Variants in SLC8A1 observed in about 807,000 individuals in gnomAD.
SLC8A1 encodes solute carrier family 8 member A1.
Under a neutral mutation model 68.3 loss-of-function variants are expected in SLC8A1, and 18 were observed. The ratio of observed to expected loss-of-function variants is 0.26; its 90% CI spans 0.18 to 0.39. The LOEUF (loss-of-function observed/expected upper bound fraction) is 0.39, where lower values mean the gene tolerates loss of function less well. Among genes scored for constraint, SLC8A1 ranks in the 10% least tolerant of loss-of-function variants. The pLI is 1.00. For synonymous variants in SLC8A1, 475 were observed against 415.5 expected (o/e 1.14, Z -1.74); for missense variants, 985 against 1,156.7 (o/e 0.85, Z 2.15).
At chr2:40,200,219 T>TA (rs1558722197) in intron 2 of SLC8A1, among the ~76,000 whole-genome samples, 116 of 2,770 alleles carry the variant, frequency 0.042, 4 homozygotes, top group African/African-American at 0.073. Flanking sequence ...TATATATATA[T>TA]TTTTTTATAT....
intron 6 of SLC8A1, 24 bp downstream of exon 9, chr2:40,160,741 T>C (rs1210552080): frequency 1.9e-6 from 3 of 1,600,524 alleles, no homozygotes; most frequent in Non-Finnish European, 1.7e-6. Context: ...TTTTAATTTA[T>C]AATATGCAGA....
At chr2:40,176,618 C>T (rs405804) in intron 3 of SLC8A1, among the ~76,000 whole-genome samples, 118,897 of 152,112 alleles carry the variant, frequency 0.78, 47,118 homozygotes, top group Middle Eastern at 0.85. Flanking sequence ...CAGAAACATA[C>T]GTGTTTTTTC....
intron 2 of SLC8A1, among the ~76,000 whole-genome samples, chr2:40,425,348 A>C (rs1696579095): frequency 6.6e-6 from 1 of 151,884 alleles, no homozygotes; most frequent in African/African-American, 2.4e-5. Context: ...ACTAAAAATA[A>C]GATCAAAGAT....
chr2:40,376,589 G>GAAAGGGAAAAGGA (rs1679949823), intron 2 of SLC8A1, among the ~76,000 whole-genome samples: 1 of 152,066 alleles, frequency 6.6e-6, no homozygotes, highest in Non-Finnish European at 1.5e-5. Context: ...AAGGAAAAGG[G>GAAAGGGAAAAGGA]AAAGGGAAAA....
At chr2:40,445,930 A>G (rs1701356853) in intron 1 of SLC8A1, among the ~76,000 whole-genome samples, 1 of 152,186 alleles carries the variant, frequency 6.6e-6, no homozygotes, top group Non-Finnish European at 1.5e-5. Flanking sequence ...GAGGAAGTTA[A>G]AGCTTGGATG....
In SLC8A1 at chr2:40,130,606, T is replaced by A. The variant is rs1436757029; in HGVS notation, c.2437+8795A>T. On this transcript the variant is annotated intron_variant, in intron 7 of 7. Coordinates refer to ENST00000406785, the Ensembl canonical transcript of SLC8A1. ...GAACTTTTTTGGTAGTAAAGAAACG[T>A]GTTGCTTATTAGAGTATGTGAAAAC... Among the ~76,000 whole-genome samples the A allele has an allele frequency of 4.6e-5, 7 of 152,342 alleles. No homozygotes were observed. In the South Asian group the frequency reaches 1.0e-3, roughly 23 times the overall value.
chr2:40,371,761 G>C (rs927551882), intron 2 of SLC8A1, among the ~76,000 whole-genome samples: 2 of 152,104 alleles, frequency 1.3e-5, no homozygotes, highest in African/African-American at 4.8e-5. Context: ...CCAGCAGAAA[G>C]AGTTGATCAT....
At chr2:40,435,446 A>G (rs911544585) in intron 1 of SLC8A1, among the ~76,000 whole-genome samples, 2 of 152,218 alleles carry the variant, frequency 1.3e-5, no homozygotes, top group Admixed American at 6.5e-5. Flanking sequence ...GAGACCCTCT[A>G]CTAATACCTA....
chr2:40,318,134 G>C (rs149687008), intron 2 of SLC8A1, among the ~76,000 whole-genome samples: 42 of 152,202 alleles, frequency 2.8e-4, no homozygotes, highest in African/African-American at 8.7e-4. Flanking sequence ...AGCAGGCAAA[G>C]TCAACTTGCT....
exon 8 of SLC8A1, chr2:40,115,321 C>A (rs796548968): frequency 6.2e-7 from 1 of 1,614,118 alleles, no homozygotes; most frequent in South Asian, 1.1e-5. Context: ...CATAGGAGCA[C>A]AAAGAGGCAG....
At chr2:40,201,300 G>C (rs2054317860) in intron 2 of SLC8A1, among the ~76,000 whole-genome samples, 1 of 151,636 alleles carries the variant, frequency 6.6e-6, no homozygotes. Context: ...TGACTGGTTG[G>C]GTTCTAATCA....
At chr2:40,433,016 C>T (rs996245073) in intron 1 of SLC8A1, among the ~76,000 whole-genome samples, 4 of 152,078 alleles carry the variant, frequency 2.6e-5, no homozygotes, top group African/African-American at 9.7e-5. Context: ...TAGTACTGAA[C>T]ATAAACACTG....
intron 1 of SLC8A1, among the ~76,000 whole-genome samples, chr2:40,459,864 C>G (rs78292764): frequency 0.15 from 22,598 of 152,126 alleles, 1,792 homozygotes; most frequent in Middle Eastern, 0.22. Flanking sequence ...CTATACACAA[C>G]ACACACACAC....
intron 2 of SLC8A1, among the ~76,000 whole-genome samples, chr2:40,350,861 G>T (rs1007052741): frequency 5.3e-5 from 8 of 152,010 alleles, no homozygotes; most frequent in African/African-American, 1.9e-4. Flanking sequence ...AAATAATCAT[G>T]TAAAGAAAAT....
intron 2 of SLC8A1, among the ~76,000 whole-genome samples, chr2:40,316,414 T>C (rs563346638): frequency 3.3e-5 from 5 of 152,196 alleles, no homozygotes; most frequent in African/African-American, 7.2e-5. Context: ...GATTTTTTCC[T>C]ATTAATTTGA....
chr2:40,437,699 A>G (rs887938165), intron 1 of SLC8A1, among the ~76,000 whole-genome samples: 2 of 152,156 alleles, frequency 1.3e-5, no homozygotes, highest in Admixed American at 1.3e-4. Context: ...ATTGCAGCTC[A>G]AAAATTTACT....
chr2:40,419,348 C>T (rs1694815931), intron 2 of SLC8A1, among the ~76,000 whole-genome samples: 1 of 152,168 alleles, frequency 6.6e-6, no homozygotes, highest in Admixed American at 6.5e-5. Context: ...TTTCCTTACT[C>T]TCATACTGTC....
intron 1 of SLC8A1, among the ~76,000 whole-genome samples, chr2:40,488,378 T>C (rs1705107460): frequency 6.6e-6 from 1 of 152,134 alleles, no homozygotes; most frequent in Non-Finnish European, 1.5e-5. Context: ...CCCATTCGTA[T>C]TCTCTCATCT....
At chr2:40,419,317 C>T (rs1162156598) in intron 2 of SLC8A1, among the ~76,000 whole-genome samples, 1 of 152,168 alleles carries the variant, frequency 6.6e-6, no homozygotes, top group Non-Finnish European at 1.5e-5. Flanking sequence ...AAAGAAGCAG[C>T]TTGAGTGAAT....
Sources: allele counts gnomAD v4.1 joint callset (sites outside exome capture counted in the v4.1 genomes callset), GRCh38; gene constraint gnomAD v4.1.1; transcripts MANE v1.5; gene names NCBI Gene and HGNC (gene_info 2026-07-23, HGNC 2026-07-21).